Variants in HLA-DPA1 observed in about 807,000 individuals in gnomAD.
The protein encoded by HLA-DPA1 is major histocompatibility complex, class II, DP alpha 1, also known as HLA class II histocompatibility antigen, DP alpha 1 chain.
HLA-DPA1 carries 20 observed loss-of-function variants against 21.5 expected under a neutral mutation model. The observed-to-expected ratio is 0.93, with a 90% CI of 0.66 to 1.35. The LOEUF is 1.35. Among genes scored for constraint, HLA-DPA1 ranks in the 40% most tolerant of loss-of-function variants. The pLI, the probability that HLA-DPA1 is intolerant of heterozygous loss-of-function variation, is 0.00. For missense variants in HLA-DPA1, 279 were observed against 323.0 expected (o/e 0.86, Z 1.05); for synonymous variants, 123 against 129.6 (o/e 0.95, Z 0.35).
intron 5 of HLA-DPA1, chr6:33,065,548 A>C (rs1761917912): frequency 6.6e-6 from 1 of 152,236 alleles, no homozygotes; most frequent in South Asian, 2.1e-4. Flanking sequence ...AAGTCATTGA[A>C]TTTCACCCTC....
chr6:33,069,647 T>C (rs1126542), exon 3 of HLA-DPA1: 332,070 of 1,591,004 alleles, frequency 0.21, 46,752 homozygotes, highest in East Asian at 0.64. Context: ...GTACCGTTGG[T>C]GGCCTGAGTG....
At chr6:33,076,297 A>G (rs1174627763) in intron 1 of HLA-DPA1, among the ~76,000 whole-genome samples, 1 of 152,242 alleles carries the variant, frequency 6.6e-6, no homozygotes, top group African/African-American at 2.4e-5. Flanking sequence ...TTCATCCCCT[A>G]TAGGATAGCT....
chr6:33,077,869 T>C (rs1412736034), intron 1 of HLA-DPA1, among the ~76,000 whole-genome samples: 1 of 151,302 alleles, frequency 6.6e-6, no homozygotes, highest in Non-Finnish European at 1.5e-5. Flanking sequence ...CTAAAACCTC[T>C]TATCTATTAC....
chr6:33,068,807 G>C lies in HLA-DPA1; in HGVS notation c.629-3C>G, dbSNP rs144535712. 3.7e-6 allele frequency: 6 copies of C among 1,612,492 alleles called. No homozygotes were observed. The East Asian group carries it at 6.7e-5, about 18-fold the overall frequency. ...CATCTGGATTGGCTCTTGGGCCTCT[G>C]GGGGAAGAATGAAGAGATAGGGTCA... On this transcript the variant is annotated splice_region_variant and splice_polypyrimidine_tract_variant and intron_variant, in intron 4 of 5. Coordinates refer to ENST00000419277, the Ensembl canonical transcript of HLA-DPA1.
intron 2 of HLA-DPA1, among the ~76,000 whole-genome samples, chr6:33,073,169 T>C (rs1281741877): frequency 2.0e-5 from 3 of 152,336 alleles, no homozygotes; most frequent in African/African-American, 4.8e-5. Flanking sequence ...GGAAAACTTA[T>C]TCATCTTTTT....
At chr6:33,064,708 T>A (rs1439732314) in exon 6 of HLA-DPA1, 1 of 152,220 alleles carries the variant, frequency 6.6e-6, no homozygotes, top group Non-Finnish European at 1.5e-5. Context: ...CTGCCTGAAA[T>A]CTTGATCCAG....
chr6:33,068,620 TCC>T lies in HLA-DPA1; in HGVS notation c.*12+16_*12+17del, dbSNP rs746827411. 2 of 1,544,456 alleles carry T rather than the reference TCC, an allele frequency of 1.3e-6. No homozygotes were observed. The highest frequency in any genetic ancestry group is 3.7e-5 in the Admixed American group (2 of 54,190). On this transcript the variant is annotated intron_variant, in intron 5 of 5. Coordinates refer to ENST00000419277, the Ensembl canonical transcript of HLA-DPA1. Reference sequence around the variant, plus strand: ...CTTACATTCTACAAATCCTAGGGCCTCCTCTTTACATTCCCACCTTTACAGTA... The same window carrying T: ...CTTACATTCTACAAATCCTAGGGCCTTCTTTACATTCCCACCTTTACAGTA...
chr6:33,069,563 C>T, intron 3 of HLA-DPA1, 78 bp downstream of exon 2: 1 of 1,558,812 alleles, frequency 6.4e-7, no homozygotes, highest in Admixed American at 1.7e-5. Flanking sequence ...ACTTAGGCTT[C>T]CTAGTCTGAG....
exon 4 of HLA-DPA1, chr6:33,069,032 G>A (rs1762110892): frequency 6.2e-7 from 1 of 1,612,986 alleles, no homozygotes; most frequent in Non-Finnish European, 8.5e-7. Context: ...AGTGCTTGAG[G>A]AGCGGCTGGT....
At chr6:33,068,511 GTGT>G (rs1762073811) in intron 5 of HLA-DPA1, 124 bp downstream of exon 4, 15 of 706,736 alleles carry the variant, frequency 2.1e-5, no homozygotes, top group Admixed American at 8.1e-5. Context: ...TTAGTTATCG[GTGT>G]TGTTGTTGTT....
At chr6:33,065,080 A>C (rs1761892805) in exon 6 of HLA-DPA1, 1 of 152,184 alleles carries the variant, frequency 6.6e-6, no homozygotes, top group Non-Finnish European at 1.5e-5. Context: ...GGGGTTCTTC[A>C]AAGGAGAACA....
chr6:33,069,925 A>T, intron 2 of HLA-DPA1, 39 bp from the exon 2 acceptor site: 1 of 1,583,128 alleles, frequency 6.3e-7, no homozygotes, highest in Non-Finnish European at 8.6e-7. Context: ...ACAAAATGTC[A>T]GTTTGAATAT....
At position 33,080,002 on chromosome 6, in the gene HLA-DPA1, C is replaced by G. The variant is rs1270903239; in HGVS notation, c.-100+678G>C. On this transcript the variant is annotated intron_variant, in intron 1 of 5. Coordinates refer to ENST00000419277, the Ensembl canonical transcript of HLA-DPA1. This position sits in a 1 kb window ranked among gnomAD's most constrained non-coding sequence, Gnocchi z 4.3. ...GATTTTCATTGTGTAAAATACTTTC[C>G]ACATCTTTTGACACCAAGTCTTTCT... 2 of 218,154 alleles carry G rather than the reference C, an allele frequency of 9.2e-6. No homozygotes were observed. The highest frequency in any genetic ancestry group is 1.9e-5 in the Non-Finnish European group (2 of 107,418). 13.5% of individuals were successfully genotyped at this position (218,154 alleles called of 1,614,324 possible).
At chr6:33,071,513 AT>A (rs1414692679) in intron 2 of HLA-DPA1, among the ~76,000 whole-genome samples, 2 of 152,230 alleles carry the variant, frequency 1.3e-5, no homozygotes, top group African/African-American at 4.8e-5. Context: ...GGAACAGATT[AT>A]TTTTCTTCAA....
rs1445452562 is a variant in HLA-DPA1 at position 33,074,627 on chromosome 6, A to G, written c.-99-958T>C. Among the ~76,000 whole-genome samples, 5 of 152,212 alleles carry G rather than the reference A, an allele frequency of 3.3e-5. No homozygotes were observed. The East Asian group carries it at 9.6e-4, about 29-fold the overall frequency. Reference sequence around the variant, plus strand: ...ATTTTATCTTATTTGTGGTAGCCTTACCTTGCATAAATAATAATTACTAAC... The same window carrying G: ...ATTTTATCTTATTTGTGGTAGCCTTGCCTTGCATAAATAATAATTACTAAC... On this transcript the variant is annotated intron_variant, in intron 1 of 5. Coordinates refer to ENST00000419277, the Ensembl canonical transcript of HLA-DPA1.
At chr6:33,073,269 T>C (rs886098101) in intron 2 of HLA-DPA1, among the ~76,000 whole-genome samples, 5 of 152,314 alleles carry the variant, frequency 3.3e-5, no homozygotes, top group Admixed American at 6.5e-5. Flanking sequence ...TCCTGTGAGA[T>C]GTAAATGGGG....
chr6:33,068,037 G>A (rs1019122728), intron 5 of HLA-DPA1: 3 of 152,210 alleles, frequency 2.0e-5, no homozygotes, highest in Non-Finnish European at 4.4e-5. Context: ...AAAATATAAA[G>A]CATGGTGAGT....
At chr6:33,074,513 A>T (rs1023954234) in intron 1 of HLA-DPA1, among the ~76,000 whole-genome samples, 1 of 152,104 alleles carries the variant, frequency 6.6e-6, no homozygotes, top group Non-Finnish European at 1.5e-5. Context: ...TAAATATTTC[A>T]ATTTTGAGCT....
rs1175312409 is a variant in HLA-DPA1 at position 33,080,113 on chromosome 6, A to G, written c.-100+567T>C. On this transcript the variant is annotated intron_variant, in intron 1 of 5. Transcript: ENST00000419277. This position sits in a 1 kb window ranked among gnomAD's most constrained non-coding sequence, Gnocchi z 4.3. The stretch of plus-strand genomic sequence containing the variant: ...AAAGTTTTAAGAAATATATTTCTAC[A>G]TCTCCTACATGCAAAACAACAGGAG... Among the ~76,000 whole-genome samples the G allele has an allele frequency of 6.6e-6, 1 of 152,200 alleles. No homozygotes were observed. Among genetic ancestry groups the G allele is most frequent in the Non-Finnish European group, 1.5e-5 (1 of 68,032 alleles).
Sources: gnomAD v4.1 joint callset for allele counts (sites outside exome capture counted in the v4.1 genomes callset) on GRCh38, gnomAD v4.1.1 for gene constraint, Gnocchi (gnomAD v3.1) non-coding constraint, MANE v1.5 for transcripts, NCBI Gene and HGNC (gene_info 2026-07-23, HGNC 2026-07-21) for gene names.